Variants in AP1S3 observed in about 807,000 individuals in gnomAD.
The protein encoded by AP1S3 is AP-1 complex subunit sigma-3.
A neutral mutation model predicts 20.9 loss-of-function variants in AP1S3; 10 were observed. The observed-to-expected ratio is 0.48, with a 90% confidence interval of 0.29 to 0.81. The LOEUF is 0.81. Ranked by LOEUF, AP1S3 falls within the 30% of genes least tolerant of loss-of-function variation. AP1S3 has a pLI of 0.08. For synonymous variants in AP1S3, 41 were observed against 61.5 expected (o/e 0.67, Z 1.56); for missense variants, 154 against 183.8 (o/e 0.84, Z 0.94).
At chr2:223,778,368 G>A (rs969456575) in intron 1 of AP1S3, among the ~76,000 whole-genome samples, 2 of 151,774 alleles carry the variant, frequency 1.3e-5, no homozygotes, top group African/African-American at 4.8e-5. Context: ...TCAGGTGATC[G>A]CCCCACCTCA....
intron 3 of AP1S3, among the ~76,000 whole-genome samples, chr2:223,773,978 G>A (rs2106086912): frequency 6.6e-6 from 1 of 152,340 alleles, no homozygotes; most frequent in Non-Finnish European, 1.5e-5. Flanking sequence ...CTGGTCTCAA[G>A]AGAATTGCAA....
At chr2:223,821,142 T>TTATCTATCTATTTATCTATC (rs1553525799) in intron 1 of AP1S3, among the ~76,000 whole-genome samples, 5 of 152,176 alleles carry the variant, frequency 3.3e-5, no homozygotes, top group Non-Finnish European at 7.3e-5. Flanking sequence ...TTAACTTTAT[T>TTATCTATCTATTTATCTATC]TATCTATCTA....
chr2:223,828,938 G>A (rs544572684), intron 1 of AP1S3, among the ~76,000 whole-genome samples: 60 of 152,292 alleles, frequency 3.9e-4, no homozygotes, highest in Non-Finnish European at 5.3e-4. Context: ...CACCCTCCGG[G>A]TTCAAGCGAT....
At position 223,759,367 on chromosome 2, in the gene AP1S3, G is replaced by A. The variant is rs766124124; in HGVS notation, c.430-617C>T. 2.0e-5 allele frequency among the ~76,000 whole-genome samples: 3 copies of A among 151,964 alleles called. No homozygotes were observed. The South Asian group carries it at 6.2e-4, about 32-fold the overall frequency. On this transcript the variant is annotated intron_variant, in intron 4 of 4. Coordinates refer to ENST00000396654, the MANE Select transcript of AP1S3 (RefSeq NM_001039569.2). ...ATCACTGTTGACTTAAGATAAACAC[G>A]TTTGCTAAAATGATCAGGAGGACCA...
intron 3 of AP1S3, among the ~76,000 whole-genome samples, chr2:223,769,368 C>T (rs1690555742): frequency 6.6e-6 from 1 of 152,140 alleles, no homozygotes; most frequent in African/African-American, 2.4e-5. Context: ...CCTATTTATG[C>T]CATCTCCAGC....
intron 1 of AP1S3, among the ~76,000 whole-genome samples, chr2:223,823,748 TCA>T (rs201084408): frequency 6.6e-6 from 1 of 151,918 alleles, no homozygotes; most frequent in African/African-American, 2.4e-5. Flanking sequence ...TGTGTTCTCA[TCA>T]CACACACACA....
At chr2:223,763,070 TG>T (rs1431170533) in intron 4 of AP1S3, among the ~76,000 whole-genome samples, 4 of 152,220 alleles carry the variant, frequency 2.6e-5, no homozygotes, top group Non-Finnish European at 5.9e-5. Flanking sequence ...CTGACTTCAC[TG>T]AATACCAGAG....
At chr2:223,781,532 T>C (rs549528738) in intron 1 of AP1S3, among the ~76,000 whole-genome samples, 30 of 152,114 alleles carry the variant, frequency 2.0e-4, no homozygotes, top group African/African-American at 7.2e-4. Flanking sequence ...GCCCAGGAGT[T>C]TGAGAGTAGC....
chr2:223,800,231 A>T (rs1170612171), intron 1 of AP1S3, among the ~76,000 whole-genome samples: 1 of 151,174 alleles, frequency 6.6e-6, no homozygotes, highest in African/African-American at 2.4e-5. Context: ...AAAAAAAAAG[A>T]AAAAAAATCA....
chr2:223,815,680 GTAC>G (rs1390077925), intron 1 of AP1S3, among the ~76,000 whole-genome samples: 5 of 152,190 alleles, frequency 3.3e-5, no homozygotes, highest in African/African-American at 1.2e-4. Context: ...TATGCATACA[GTAC>G]TCTGTATTCC....
At chr2:223,760,961 T>G (rs769983221) in intron 4 of AP1S3, among the ~76,000 whole-genome samples, 4 of 152,176 alleles carry the variant, frequency 2.6e-5, no homozygotes, top group African/African-American at 4.8e-5. Context: ...GAGTTGACAC[T>G]TTCCTGTCTT....
At chr2:223,770,626 T>G (rs1250387947) in intron 3 of AP1S3, among the ~76,000 whole-genome samples, 1 of 151,954 alleles carries the variant, frequency 6.6e-6, no homozygotes, top group Non-Finnish European at 1.5e-5. Flanking sequence ...AGCAACTATT[T>G]CACATACAGC....
chr2:223,816,729 T>C (rs1691851951), intron 1 of AP1S3, among the ~76,000 whole-genome samples: 1 of 152,226 alleles, frequency 6.6e-6, no homozygotes, highest in African/African-American at 2.4e-5. Flanking sequence ...TTTACCAATA[T>C]GAGGCTTTTG....
chr2:223,823,091 A>G (rs1170351197), intron 1 of AP1S3, among the ~76,000 whole-genome samples: 2 of 152,238 alleles, frequency 1.3e-5, no homozygotes, highest in East Asian at 1.9e-4. Flanking sequence ...ATGAAAGATA[A>G]TAAGTGTTAG....
At position 223,755,499 on chromosome 2, in the gene AP1S3, T is replaced by C. The variant is rs1045178207; in HGVS notation, c.*3216A>G. 1.3e-4 allele frequency among the ~76,000 whole-genome samples: 20 copies of C among 151,746 alleles called. No individual in the cohort carries two copies. The highest frequency in any genetic ancestry group is 2.5e-4 in the Non-Finnish European group (17 of 67,950). On this transcript the variant is annotated 3_prime_UTR_variant, in exon 5 of 5. Coordinates refer to ENST00000396654, the MANE Select transcript of AP1S3 (RefSeq NM_001039569.2). ...CTAAAATCCCTCAAATTTACCCCACTGTGCCATATAGATATGTTTACTTAC... is the reference window on the plus strand; with the variant it reads ...CTAAAATCCCTCAAATTTACCCCACCGTGCCATATAGATATGTTTACTTAC...
At chr2:223,826,390 C>T (rs1225898426) in intron 1 of AP1S3, among the ~76,000 whole-genome samples, 2 of 151,884 alleles carry the variant, frequency 1.3e-5, no homozygotes, top group South Asian at 4.2e-4. Flanking sequence ...GTCAGGAGTT[C>T]GAGACCAGCC....
At chr2:223,816,801 G>A (rs772494307) in intron 1 of AP1S3, among the ~76,000 whole-genome samples, 3 of 152,150 alleles carry the variant, frequency 2.0e-5, no homozygotes, top group Non-Finnish European at 4.4e-5. Context: ...TTATAAAGAT[G>A]ACAGACAATC....
At chr2:223,794,112 G>T (rs1202895471) in intron 1 of AP1S3, among the ~76,000 whole-genome samples, 1 of 151,772 alleles carries the variant, frequency 6.6e-6, no homozygotes, top group Non-Finnish European at 1.5e-5. Context: ...TTATCATTTT[G>T]CATTTTTCTT....
intron 3 of AP1S3, among the ~76,000 whole-genome samples, chr2:223,773,006 G>C (rs1187976870): frequency 6.6e-6 from 1 of 152,118 alleles, no homozygotes; most frequent in Non-Finnish European, 1.5e-5. Flanking sequence ...ATTAAATTTT[G>C]GTACATGACA....
Sources: gnomAD v4.1 joint callset for allele counts (sites outside exome capture counted in the v4.1 genomes callset) on GRCh38, gnomAD v4.1.1 for gene constraint, MANE v1.5 for transcripts, NCBI Gene and HGNC (gene_info 2026-07-23, HGNC 2026-07-21) for gene names.